IGSF21: variants seen among roughly 807,000 people sequenced by gnomAD.
The protein encoded by IGSF21 is immunoglobulin superfamily member 21.
In IGSF21, 28 loss-of-function variants were observed where a neutral mutation model predicts 46.8. The ratio of observed to expected loss-of-function variants is 0.60; its 90% CI spans 0.44 to 0.82. IGSF21 has a LOEUF of 0.82. Ranked by LOEUF, IGSF21 falls within the 40% of genes least tolerant of loss-of-function variation. The probability of loss-of-function intolerance (pLI) is 0.00; values close to 1 mark genes in which losing one functional copy is unlikely to be tolerated. For missense variants in IGSF21, 624 were observed against 665.5 expected, an observed-to-expected ratio of 0.94 and a Z score of 0.69; for synonymous variants, 284 against 273.6, an observed-to-expected ratio of 1.04 and a Z score of -0.38.
chr1:18,303,413 G>T (rs1197964937), intron 3 of IGSF21, among the ~76,000 whole-genome samples: 1 of 152,158 alleles, frequency 6.6e-6, no homozygotes, highest in East Asian at 1.9e-4. Flanking sequence ...AGCTGAGGAG[G>T]CTGAGCCCTA....
At position 18,220,127 on chromosome 1, in the gene IGSF21, A is replaced by G. The variant is rs12071632; in HGVS notation, c.71-7771A>G. Among the ~76,000 whole-genome samples, 413 of 152,224 alleles carry G rather than the reference A, an allele frequency of 2.7e-3. 4 individuals are homozygous for G. The highest frequency in any genetic ancestry group is 9.4e-3 in the African/African-American group (391 of 41,516). On this transcript the variant is annotated intron_variant, in intron 1 of 9. Coordinates refer to ENST00000251296, the MANE Select transcript of IGSF21 (RefSeq NM_032880.5). ...GCCTTGTTGTTATGGTGGTTCAGTT[A>G]AGTGCCACTACCTGTAGATTTGTCT...
At chr1:18,301,876 C>G (rs2085365231) in intron 3 of IGSF21, among the ~76,000 whole-genome samples, 1 of 152,208 alleles carries the variant, frequency 6.6e-6, no homozygotes, top group African/African-American at 2.4e-5. Flanking sequence ...GTGATGCCTA[C>G]TCTTGGCTCT....
At chr1:18,332,952 G>A (rs764378409) in intron 3 of IGSF21, among the ~76,000 whole-genome samples, 3 of 152,174 alleles carry the variant, frequency 2.0e-5, no homozygotes, top group African/African-American at 4.8e-5. Context: ...GATGGAGCAG[G>A]TAGCTAAAAG....
Position 18,179,091 on chromosome 1 carries a change from T to A in IGSF21, c.71-48807T>A, listed in dbSNP as rs974999880. 75 of 152,346 alleles carry A rather than the reference T, an allele frequency of 4.9e-4. 1 individual carries two copies. Among genetic ancestry groups the A allele is most frequent in the African/African-American group, 1.7e-3 (70 of 41,434 alleles). The allele number at this position is 152,346 out of a possible 1,614,324, so 9.4% of individuals were successfully genotyped here. ...AGCAGGTGTCCTGGAGATGCCACTG[T>A]GCAGGGCTCAGAGAAGCCAGCTGTG... On this transcript the variant is annotated intron_variant, in intron 1 of 9. Transcript: ENST00000251296.
intron 2 of IGSF21, among the ~76,000 whole-genome samples, chr1:18,258,109 C>T (rs111681429): frequency 0.069 from 10,432 of 152,178 alleles, 433 homozygotes; most frequent in Admixed American, 0.095. Context: ...GGGACAGTTG[C>T]GCTCCTTGAC....
At chr1:18,306,881 G>A (rs2085431613) in intron 3 of IGSF21, among the ~76,000 whole-genome samples, 1 of 152,230 alleles carries the variant, frequency 6.6e-6, no homozygotes, top group Non-Finnish European at 1.5e-5. Context: ...GAGAGAAACA[G>A]GCAATAGACC....
intron 3 of IGSF21, among the ~76,000 whole-genome samples, chr1:18,314,390 G>T (rs2085519898): frequency 6.6e-6 from 1 of 151,140 alleles, no homozygotes; most frequent in Admixed American, 6.6e-5. Flanking sequence ...TTAGAGATTT[G>T]ACTCACTCCC....
chr1:18,310,448 C>T (rs1423712642), intron 3 of IGSF21, among the ~76,000 whole-genome samples: 13 of 152,316 alleles, frequency 8.5e-5, no homozygotes, highest in South Asian at 4.1e-4. Context: ...TTCATTACTA[C>T]GTAGTACTCC....
intron 1 of IGSF21, among the ~76,000 whole-genome samples, chr1:18,136,880 T>C (rs1056354561): frequency 6.6e-6 from 1 of 152,230 alleles, no homozygotes; most frequent in African/African-American, 2.4e-5. Flanking sequence ...TGATTTTTCC[T>C]ACCCATGAGC....
intron 1 of IGSF21, chr1:18,179,043 G>A (rs1471786062): frequency 6.6e-6 from 1 of 152,246 alleles, no homozygotes; most frequent in African/African-American, 2.4e-5. Flanking sequence ...GGAAGGGTGG[G>A]GGACTCACCA....
chr1:18,317,195 A>C (rs1435488405), intron 3 of IGSF21, among the ~76,000 whole-genome samples: 6 of 152,204 alleles, frequency 3.9e-5, no homozygotes, highest in African/African-American at 1.4e-4. Flanking sequence ...AGTTTTGTTC[A>C]TGCTAATTTT....
At chr1:18,297,195 C>T (rs905040815) in intron 3 of IGSF21, among the ~76,000 whole-genome samples, 4 of 152,154 alleles carry the variant, frequency 2.6e-5, no homozygotes, top group African/African-American at 9.7e-5. Flanking sequence ...ACCCCCAGGA[C>T]AGCACCCAAC....
Position 18,335,792 on chromosome 1 carries a change from G to A in IGSF21, c.424+782G>A, listed in dbSNP as rs1383090555. Among the ~76,000 whole-genome samples, 1 of 152,230 alleles carries A rather than the reference G, an allele frequency of 6.6e-6. No individual in the cohort carries two copies. The highest frequency in any genetic ancestry group is 1.5e-5 in the Non-Finnish European group (1 of 68,040). On this transcript the variant is annotated intron_variant, in intron 4 of 9. Transcript: ENST00000251296. This position sits in a 1 kb window ranked among gnomAD's most constrained non-coding sequence, Gnocchi z 4.8. ...TGAAAGCATAAAGGCCCTGCTGAAA[G>A]CCGCCGCTTCTGGGGAAATTGAAAA...
At chr1:18,169,536 C>T (rs1476162883) in intron 1 of IGSF21, among the ~76,000 whole-genome samples, 2 of 152,240 alleles carry the variant, frequency 1.3e-5, no homozygotes, top group East Asian at 1.9e-4. Flanking sequence ...AAGGAAATCA[C>T]ATACCCTGGC....
intron 4 of IGSF21, among the ~76,000 whole-genome samples, chr1:18,338,878 T>C (rs2085799430): frequency 1.3e-5 from 2 of 150,642 alleles, no homozygotes; most frequent in Admixed American, 6.6e-5. Context: ...TTTTGAAGGT[T>C]CTTCTGGGGG....
At chr1:18,162,492 C>T (rs1210456540) in intron 1 of IGSF21, among the ~76,000 whole-genome samples, 1 of 150,492 alleles carries the variant, frequency 6.6e-6, no homozygotes, top group African/African-American at 2.5e-5. Context: ...TCCCAGTCAC[C>T]CATGCCATCA....
rs144772318 is a variant in IGSF21, at chr1:18,268,101, G to A, written c.184-23765G>A. Among the ~76,000 whole-genome samples, 595 of 152,374 alleles carry A rather than the reference G, an allele frequency of 3.9e-3. 6 individuals carry two copies. Among genetic ancestry groups the A allele is most frequent in the African/African-American group, 0.013 (529 of 41,578 alleles). ...CATAACAGGTGCTTAATCAATGCATGCAGAATGCAGGAATGAACGACTTGG... is the reference window on the plus strand; with the variant it reads ...CATAACAGGTGCTTAATCAATGCATACAGAATGCAGGAATGAACGACTTGG... On this transcript the variant is annotated intron_variant, in intron 2 of 9. Transcript: ENST00000251296.
At chr1:18,253,278 C>T (rs976401440) in intron 2 of IGSF21, among the ~76,000 whole-genome samples, 1 of 152,226 alleles carries the variant, frequency 6.6e-6, no homozygotes, top group Non-Finnish European at 1.5e-5. Flanking sequence ...CAAACCCAAA[C>T]TTTCCTGAGT....
chr1:18,311,788 G>C (rs781306855), intron 3 of IGSF21, among the ~76,000 whole-genome samples: 1 of 152,114 alleles, frequency 6.6e-6, no homozygotes. Flanking sequence ...TAAAACCATC[G>C]GATCATGTGA....
Sources: gnomAD v4.1 joint callset for allele counts (sites outside exome capture counted in the v4.1 genomes callset) on GRCh38, gnomAD v4.1.1 for gene constraint, Gnocchi (gnomAD v3.1) non-coding constraint, MANE v1.5 for transcripts, NCBI Gene and HGNC (gene_info 2026-07-23, HGNC 2026-07-21) for gene names.